The following CHL1 variants were observed in gnomAD, a reference collection of about 807,000 sequenced individuals.
CHL1 encodes neural cell adhesion molecule L1-like protein.
CHL1 carries 96 observed loss-of-function variants against 141.9 expected under a neutral mutation model. That is an observed-to-expected ratio of 0.68 (90% CI 0.57 to 0.80). The LOEUF is 0.80. Ranked by LOEUF, CHL1 falls within the 30% of genes least tolerant of loss-of-function variation. CHL1 has a pLI of 0.00. For missense variants in CHL1, 1,820 were observed against 1,457.2 expected, an observed-to-expected ratio of 1.25 and a Z score of -4.05; for synonymous variants, 613 against 502.2, an observed-to-expected ratio of 1.22 and a Z score of -2.95.
intron 20 of CHL1, 44 bp from the exon 21 acceptor site, chr3:390,657 A>G: frequency 8.8e-7 from 1 of 1,134,086 alleles, no homozygotes; most frequent in South Asian, 1.3e-5. Flanking sequence ...TAACAATCAC[A>G]TTTGCAGGTT....
At chr3:389,782 A>G (rs893361705) in intron 20 of CHL1, among the ~76,000 whole-genome samples, 1 of 152,212 alleles carries the variant, frequency 6.6e-6, no homozygotes, top group Non-Finnish European at 1.5e-5. Flanking sequence ...CATAACTGTC[A>G]TAAGATTTTC....
chr3:341,097 A>G (rs533415648), intron 6 of CHL1, among the ~76,000 whole-genome samples, 181 bp downstream of exon 6: 3 of 152,312 alleles, frequency 2.0e-5, no homozygotes, highest in East Asian at 3.9e-4. Flanking sequence ...CCTATATTTC[A>G]AACAGTGCAC....
intron 1 of CHL1, among the ~76,000 whole-genome samples, chr3:231,991 T>C (rs1701907437): frequency 6.6e-6 from 1 of 152,190 alleles, no homozygotes; most frequent in Non-Finnish European, 1.5e-5. Flanking sequence ...ATTTTGACTC[T>C]CCTCATGTTA....
intron 1 of CHL1, chr3:217,652 G>A: frequency 6.5e-6 from 1 of 152,696 alleles, no homozygotes; most frequent in Non-Finnish European, 1.5e-5. Flanking sequence ...ATGGACAGAA[G>A]GCTAGAACCT....
chr3:359,791 A>G (rs1486684685), intron 11 of CHL1, among the ~76,000 whole-genome samples: 1 of 152,202 alleles, frequency 6.6e-6, no homozygotes. Context: ...AGGCAAATGA[A>G]ATCAATGGTG....
intron 2 of CHL1, among the ~76,000 whole-genome samples, chr3:284,418 A>G (rs920129294): frequency 6.6e-6 from 1 of 152,182 alleles, no homozygotes; most frequent in Non-Finnish European, 1.5e-5. Flanking sequence ...CTCTACCCAT[A>G]TTTGTGAAAA....
chr3:337,426 T>A (rs926754228), intron 5 of CHL1, among the ~76,000 whole-genome samples: 1 of 152,058 alleles, frequency 6.6e-6, no homozygotes, highest in Non-Finnish European at 1.5e-5. Context: ...TGCAGGTTAG[T>A]TACATATGTA....
chr3:397,375 T>C (rs1166152027), intron 24 of CHL1, among the ~76,000 whole-genome samples: 1 of 152,122 alleles, frequency 6.6e-6, no homozygotes, highest in Non-Finnish European at 1.5e-5. Context: ...AAATACATAA[T>C]GAAATATTGA....
chr3:388,997 C>A (rs1708006584), intron 19 of CHL1, among the ~76,000 whole-genome samples: 2 of 152,160 alleles, frequency 1.3e-5, no homozygotes, highest in African/African-American at 2.4e-5. Flanking sequence ...AAGACTTTAC[C>A]ATGAGGACAT....
intron 5 of CHL1, 63 bp from the exon 6 acceptor site, chr3:340,731 A>G (rs2125143131): frequency 1.5e-6 from 2 of 1,308,744 alleles, no homozygotes; most frequent in African/African-American, 1.5e-5. Context: ...ACATATTAAG[A>G]TATTTGTTGT....
At chr3:259,333 T>A (rs1694488565) in intron 2 of CHL1, among the ~76,000 whole-genome samples, 1 of 138,082 alleles carries the variant, frequency 7.2e-6, no homozygotes, top group Non-Finnish European at 1.5e-5. Flanking sequence ...CGTGTGTGTG[T>A]GTGTGATATA....
At chr3:223,451 C>A (rs1473509179) in intron 1 of CHL1, among the ~76,000 whole-genome samples, 1 of 152,118 alleles carries the variant, frequency 6.6e-6, no homozygotes, top group Non-Finnish European at 1.5e-5. Flanking sequence ...GGCACGTTGT[C>A]AGAACTGCAA....
chr3:393,799 C>T (rs1209656129), intron 23 of CHL1, among the ~76,000 whole-genome samples: 3 of 152,130 alleles, frequency 2.0e-5, no homozygotes, highest in Non-Finnish European at 4.4e-5. Context: ...GATTTCACCT[C>T]CTTCTTTCCA....
intron 26 of CHL1, among the ~76,000 whole-genome samples, chr3:401,149 A>G (rs1418457298): frequency 6.6e-6 from 1 of 152,114 alleles, no homozygotes; most frequent in African/African-American, 2.4e-5. Context: ...TGTTCTGCCC[A>G]CCTTGGCCTC....
At chr3:252,844 C>G (rs575628506) in intron 2 of CHL1, among the ~76,000 whole-genome samples, 1 of 152,102 alleles carries the variant, frequency 6.6e-6, no homozygotes, top group Admixed American at 6.5e-5. Flanking sequence ...TGTATAGATA[C>G]GCTTTTCATT....
chr3:231,374 G>A (rs1034466728), intron 1 of CHL1, among the ~76,000 whole-genome samples: 4 of 151,726 alleles, frequency 2.6e-5, no homozygotes, highest in Admixed American at 6.6e-5. Flanking sequence ...TCTTCCCCTT[G>A]AACAGAGTAG....
At chr3:251,576 TG>T (rs895365737) in intron 2 of CHL1, among the ~76,000 whole-genome samples, 3 of 152,124 alleles carry the variant, frequency 2.0e-5, no homozygotes, top group African/African-American at 7.2e-5. Context: ...AAATGGGGGA[TG>T]TTGGATTAAA....
chr3:248,670 T>A (rs141044390), intron 2 of CHL1: 82 of 152,266 alleles, frequency 5.4e-4, no homozygotes, highest in African/African-American at 1.7e-3. Flanking sequence ...CATAGCCTTT[T>A]TTTAAGTTAA....
rs572412136 is a variant in CHL1 at position 288,002 on chromosome 3, G to A, written c.-94-31681G>A. ...AGGCTGGTCTCAAACTCCTGACCTC[G>A]GGCAATCTGCCCACCTTAGCCTCCC... is the stretch of plus-strand genomic sequence containing the variant. On this transcript the variant is annotated intron_variant, in intron 2 of 27. Coordinates refer to ENST00000256509, the MANE Select transcript of CHL1 (RefSeq NM_006614.4). Among the ~76,000 whole-genome samples the A allele has an allele frequency of 2.6e-5, 4 of 152,136 alleles. No individual in the cohort carries two copies. The East Asian group carries it at 7.7e-4, about 29-fold the overall frequency.
Sources: allele counts gnomAD v4.1 joint callset (sites outside exome capture counted in the v4.1 genomes callset), GRCh38; gene constraint gnomAD v4.1.1; transcripts MANE v1.5; gene names NCBI Gene and HGNC (gene_info 2026-07-23, HGNC 2026-07-21).